The following LRCH2 variants were observed in gnomAD, a reference collection of about 807,000 sequenced individuals.
LRCH2 encodes the protein leucine rich repeats and calponin homology domain containing 2.
LRCH2 carries 38 observed loss-of-function variants against 68.9 expected under a neutral mutation model. The ratio of observed to expected loss-of-function variants is 0.55; its 90% CI spans 0.43 to 0.72. LRCH2 has a LOEUF of 0.72. LRCH2 is among the 30% of genes least tolerant of loss of function. LRCH2 has a pLI of 0.00. For synonymous variants in LRCH2, 191 were observed against 208.1 expected, an observed-to-expected ratio of 0.92 and a Z score of 0.71; for missense variants, 528 against 572.9, an observed-to-expected ratio of 0.92 and a Z score of 0.80.
intron 1 of LRCH2, chrX:115,189,520 G>A: frequency 2.5e-6 from 3 of 1,182,314 alleles, no homozygotes; most frequent in Non-Finnish European, 3.4e-6. Flanking sequence ...CCTCAAAGCC[G>A]AGTTTGGCAA....
In LRCH2 at chrX:115,170,088, A is replaced by G. The variant is rs782217607; in HGVS notation, c.998+211T>C. ...AATGTCAAACATTTACATTTTTACT[A>G]CTAAAACTTTAATGATTGAGAAAAT... On this transcript the variant is annotated intron_variant, in intron 6 of 20. Transcript: ENST00000317135. Among the ~76,000 whole-genome samples, 10 of 111,878 alleles carry G rather than the reference A, an allele frequency of 8.9e-5. 1 individual carries two copies. The South Asian group carries it at 3.3e-3, about 37-fold the overall frequency.
rs782341959 is a variant in LRCH2, at chrX:115,113,131, C to T, written c.*85G>A. ...GTGACCTAAGGCAAACTATTTTTGA[C>T]GGAATATTCTTATTCATGAATTTGA... On this transcript the variant is annotated 3_prime_UTR_variant, in exon 21 of 21. Coordinates refer to ENST00000317135, the MANE Select transcript of LRCH2 (RefSeq NM_020871.4). The T allele has an allele frequency of 1.0e-4, 93 of 906,475 alleles. No individual in the cohort carries two copies. Among genetic ancestry groups the T allele is most frequent in the Admixed American group, 9.6e-4 (24 of 24,911 alleles). 74.7% of individuals were successfully genotyped at this position (906,475 alleles called of 1,213,427 possible).
chrX:115,225,943 T>C (rs2073116146), intron 1 of LRCH2, among the ~76,000 whole-genome samples: 1 of 112,078 alleles, frequency 8.9e-6, no homozygotes, highest in Non-Finnish European at 1.9e-5. Context: ...GACAGTACTG[T>C]TTTGGAGGGC....
intron 5 of LRCH2, 116 bp downstream of exon 5, chrX:115,179,311 C>T (rs1427532366): frequency 3.9e-5 from 23 of 594,016 alleles, no homozygotes; most frequent in African/African-American, 3.1e-4. Context: ...CTTTAGACAA[C>T]AGTGCTTGAA....
At chrX:115,208,150 G>T (rs1055373635) in intron 1 of LRCH2, among the ~76,000 whole-genome samples, 6 of 112,169 alleles carry the variant, frequency 5.3e-5, no homozygotes, top group African/African-American at 1.9e-4. Flanking sequence ...TTAAGTTTGT[G>T]ATAATTTGTT....
chrX:115,178,668 G>A (rs1293755406), intron 5 of LRCH2, among the ~76,000 whole-genome samples: 2 of 111,773 alleles, frequency 1.8e-5, no homozygotes, highest in Non-Finnish European at 3.8e-5. Context: ...CAGGACTCTA[G>A]CCAGTCTTTA....
intron 20 of LRCH2, among the ~76,000 whole-genome samples, chrX:115,122,204 C>CA (rs1293459152): frequency 0.011 from 551 of 48,973 alleles, no homozygotes; most frequent in African/African-American, 0.019. Flanking sequence ...TGTTCTCTAG[C>CA]AAAAAAAAAA....
At chrX:115,127,335 A>C (rs2072208370) in intron 15 of LRCH2, among the ~76,000 whole-genome samples, 1 of 112,117 alleles carries the variant, frequency 8.9e-6, no homozygotes, top group South Asian at 3.7e-4. Flanking sequence ...TAATTTAATA[A>C]AACATTAAAT....
intron 1 of LRCH2, among the ~76,000 whole-genome samples, chrX:115,212,412 C>T (rs2073013895): frequency 8.9e-6 from 1 of 112,287 alleles, no homozygotes; most frequent in South Asian, 3.7e-4. Context: ...CAACATTAAG[C>T]ATGATTATCT....
In LRCH2 at chrX:115,122,774, G is replaced by A. The variant is rs1556526425; in HGVS notation, c.2086C>T (p.Pro696Ser). The change falls in exon 19 of 21, where the codon CCA becomes TCA. Residue 696 changes from proline (P) to serine (S), a missense_variant. Physicochemically the swap from Pro to Ser is moderately conservative, Grantham distance 74. Coordinates refer to ENST00000317135, the MANE Select transcript of LRCH2 (RefSeq NM_020871.4). ...RPRSVASIHV[P>S]SPAVPKLSMA... The stretch of plus-strand genomic sequence containing the variant: ...ACAAAACTTACCACTGCTGGTGATG[G>A]TACATGAATACTAGCAACAGAACGT... 8.3e-7 allele frequency: 1 copy of A among 1,210,534 alleles called. No homozygotes were observed. Among genetic ancestry groups the A allele is most frequent in the Non-Finnish European group, 1.1e-6 (1 of 894,878 alleles).
chrX:115,217,380 C>T (rs781913516), intron 1 of LRCH2, among the ~76,000 whole-genome samples: 1 of 110,512 alleles, frequency 9.0e-6, no homozygotes, highest in Non-Finnish European at 1.9e-5. Flanking sequence ...CCTCCCCTGG[C>T]CTCCCACCCC....
At chrX:115,215,772 A>C (rs2073037898) in intron 1 of LRCH2, among the ~76,000 whole-genome samples, 2 of 2,395 alleles carry the variant, frequency 8.4e-4, no homozygotes, top group East Asian at 0.059. Context: ...TCCATCTCAA[A>C]AAAAAAAAAA....
At chrX:115,135,952 A>G (rs1374707635) in intron 14 of LRCH2, among the ~76,000 whole-genome samples, 1 of 112,127 alleles carries the variant, frequency 8.9e-6, no homozygotes, top group Non-Finnish European at 1.9e-5. Flanking sequence ...AACAATGTAA[A>G]CATAACTTTT....
At chrX:115,189,374 G>T in intron 1 of LRCH2, 2 of 1,102,910 alleles carry the variant, frequency 1.8e-6, no homozygotes, top group Non-Finnish European at 2.4e-6. Context: ...GAGAGCGCTC[G>T]AAGGCCGCGA....
intron 11 of LRCH2, among the ~76,000 whole-genome samples, chrX:115,162,914 C>T (rs6644198): frequency 0.078 from 8,737 of 111,398 alleles, 320 homozygotes; most frequent in Non-Finnish European, 0.11. Flanking sequence ...CATTTCAAAA[C>T]TATAAATGTA....
At chrX:115,166,400 C>A (rs898501494) in intron 6 of LRCH2, 58 bp from the exon 7 acceptor site, 4 of 762,346 alleles carry the variant, frequency 5.2e-6, no homozygotes, top group Non-Finnish European at 1.9e-6. Flanking sequence ...AGATAATGCA[C>A]ATTTGACCTA....
rs2072795891 is a variant in LRCH2, at chrX:115,190,769, A to G, written c.350-2399T>C. 2 of 1,166,290 alleles carry G rather than the reference A, an allele frequency of 1.7e-6. No homozygotes were observed. The highest frequency in any genetic ancestry group is 3.8e-5 in the South Asian group (2 of 52,662). On this transcript the variant is annotated intron_variant, in intron 1 of 20. Coordinates refer to ENST00000317135, the MANE Select transcript of LRCH2 (RefSeq NM_020871.4). ...AGCGGGGGCCGCTCCACTGATGCCC[A>G]CAGCAGGGGCCGGTCCGACGACGCC...
At chrX:115,192,778 C>T in intron 1 of LRCH2, 1 of 631,330 alleles carries the variant, frequency 1.6e-6, no homozygotes. Context: ...TTAAGATCTC[C>T]ATTTTTATGC....
intron 12 of LRCH2, among the ~76,000 whole-genome samples, chrX:115,152,539 G>A (rs2072440145): frequency 8.9e-6 from 1 of 111,751 alleles, no homozygotes; most frequent in Admixed American, 9.5e-5. Context: ...CACAAGAAAT[G>A]ACTAGCAAAC....
Sources: gnomAD v4.1 joint callset for allele counts (sites outside exome capture counted in the v4.1 genomes callset) on GRCh38, gnomAD v4.1.1 for gene constraint, MANE v1.5 for transcripts, NCBI Gene and HGNC (gene_info 2026-07-23, HGNC 2026-07-21) for gene names.